Variants in LRGUK observed in about 807,000 individuals in gnomAD.
LRGUK encodes the protein leucine rich repeats and guanylate kinase domain containing, also known as leucine-rich repeat and guanylate kinase domain-containing protein.
LRGUK carries 65 observed loss-of-function variants against 76.0 expected under a neutral mutation model. The observed-to-expected ratio is 0.85, with a 90% CI of 0.70 to 1.05. The LOEUF is 1.05. Among genes scored for constraint, LRGUK ranks in the 50% least tolerant of loss-of-function variants. The pLI is 0.00. For synonymous variants in LRGUK, 268 were observed against 265.6 expected, an observed-to-expected ratio of 1.01 and a Z score of -0.09; for missense variants, 758 against 732.8, an observed-to-expected ratio of 1.03 and a Z score of -0.40.
Position 134,203,284 on chromosome 7 carries a change from G to T in LRGUK, c.1843+1708G>T, listed in dbSNP as rs183404578. ...TAAGTTTTAAAACTTTCCCTTGATG[G>T]ACTGAACCCCATTCACACACTGCAT... On this transcript the variant is annotated intron_variant, in intron 15 of 15. Coordinates refer to ENST00000645682, the Ensembl canonical transcript of LRGUK. Among the ~76,000 whole-genome samples, 50 of 152,238 alleles carry T rather than the reference G, an allele frequency of 3.3e-4. 2 individuals are homozygous for T. In the East Asian group the frequency reaches 6.6e-3, roughly 20 times the overall value.
intron 11 of LRGUK, among the ~76,000 whole-genome samples, chr7:134,190,174 T>G (rs771223652): frequency 1.3e-5 from 2 of 152,194 alleles, no homozygotes; most frequent in Non-Finnish European, 2.9e-5. Flanking sequence ...AAATAACATG[T>G]CAAGTGTCTA....
chr7:134,247,728 CAG>C (rs1802343704), intron 17 of LRGUK, 84 bp downstream of exon 17: 3 of 1,050,920 alleles, frequency 2.9e-6, no homozygotes, highest in South Asian at 2.9e-5. Context: ...TGAACATAAA[CAG>C]AGACCTCTGT....
At position 134,215,504 on chromosome 7, in the gene LRGUK, A is replaced by T. The variant is rs570361049; in HGVS notation, c.1844-6275A>T. On this transcript the variant is annotated intron_variant, in intron 15 of 19. Transcript: ENST00000285928. ...CATTTATGCTGAATTCTTCTCTGGGACAAGGATCTGGTGTATTGGCAGTTA... is the reference window on the plus strand; with the variant it reads ...CATTTATGCTGAATTCTTCTCTGGGTCAAGGATCTGGTGTATTGGCAGTTA... Among the ~76,000 whole-genome samples, 17 of 152,176 alleles carry T rather than the reference A, an allele frequency of 1.1e-4. No individual in the cohort carries two copies. In the South Asian group the frequency reaches 3.5e-3, roughly 32 times the overall value.
intron 16 of LRGUK, among the ~76,000 whole-genome samples, chr7:134,226,720 G>T (rs1418532950): frequency 6.6e-6 from 1 of 152,172 alleles, no homozygotes; most frequent in African/African-American, 2.4e-5. Flanking sequence ...CTTCTGTAAA[G>T]TACATACAGA....
Position 134,162,948 on chromosome 7 carries a change from G to A in LRGUK, c.796-449G>A, listed in dbSNP as rs527450767. Among the ~76,000 whole-genome samples, 5 of 152,022 alleles carry A rather than the reference G, an allele frequency of 3.3e-5. 1 individual carries two copies. Among genetic ancestry groups the A allele is most frequent in the African/African-American group, 1.2e-4 (5 of 41,482 alleles). ...CTACTAGCACCCTCACCACATGAGT[G>A]ATTACATTTAGGGTGTTTCTGAAAA... is the stretch of plus-strand genomic sequence containing the variant. On this transcript the variant is annotated intron_variant, in intron 6 of 15. Coordinates refer to ENST00000645682, the Ensembl canonical transcript of LRGUK.
At chr7:134,148,395 T>C in intron 5 of LRGUK, 76 bp downstream of exon 5, 1 of 827,412 alleles carries the variant, frequency 1.2e-6, no homozygotes, top group Non-Finnish European at 1.9e-6. Context: ...AAGAATTGTA[T>C]TAGATTACAT....
At chr7:134,261,780 G>A (rs1239749307) in intron 19 of LRGUK, among the ~76,000 whole-genome samples, 5 of 152,128 alleles carry the variant, frequency 3.3e-5, no homozygotes, top group Non-Finnish European at 7.3e-5. Context: ...GTGGGCTCTT[G>A]TGCAACTTCT....
At chr7:134,217,555 AT>A (rs2117144865) in intron 15 of LRGUK, among the ~76,000 whole-genome samples, 1 of 152,284 alleles carries the variant, frequency 6.6e-6, no homozygotes, top group African/African-American at 2.4e-5. Context: ...GGAAATTATC[AT>A]GGATACTATG....
chr7:134,191,718 C>G, exon 12 of LRGUK: 1 of 1,612,816 alleles, frequency 6.2e-7, no homozygotes, highest in Non-Finnish European at 8.5e-7. Context: ...ATCATTTTAT[C>G]TCTCAAGACG....
chr7:134,178,534 C>A (rs542059624), exon 10 of LRGUK: 2 of 1,613,170 alleles, frequency 1.2e-6, no homozygotes, highest in South Asian at 1.1e-5. Flanking sequence ...GATCCTCCCC[C>A]TGAAGTGGTT....
intron 6 of LRGUK, among the ~76,000 whole-genome samples, chr7:134,161,396 G>T (rs889786679): frequency 6.6e-6 from 1 of 151,736 alleles, no homozygotes; most frequent in Non-Finnish European, 1.5e-5. Flanking sequence ...CTTTACTTTG[G>T]CAAATGGATT....
intron 4 of LRGUK, among the ~76,000 whole-genome samples, chr7:134,144,186 G>A (rs1797880140): frequency 6.6e-6 from 1 of 152,156 alleles, no homozygotes; most frequent in Admixed American, 6.5e-5. Context: ...AGGCTGGAGT[G>A]CAGTGGCGCA....
At chr7:134,202,740 A>G (rs1293530009) in intron 15 of LRGUK, among the ~76,000 whole-genome samples, 1 of 152,238 alleles carries the variant, frequency 6.6e-6, no homozygotes, top group Admixed American at 6.5e-5. Context: ...TATCTAGAGT[A>G]GTCAATTCAT....
At chr7:134,172,760 T>C (rs1799310953) in intron 7 of LRGUK, among the ~76,000 whole-genome samples, 1 of 152,038 alleles carries the variant, frequency 6.6e-6, no homozygotes, top group African/African-American at 2.4e-5. Context: ...GGTGGGTGGA[T>C]TGCTTGAGCC....
rs1401755111 is a variant in LRGUK at position 134,157,942 on chromosome 7, G to A, written c.671-93G>A. 5 of 1,054,444 alleles carry A rather than the reference G, an allele frequency of 4.7e-6. No individual in the cohort carries two copies. The South Asian group carries it at 6.7e-5, about 14-fold the overall frequency. 65.3% of individuals were successfully genotyped at this position (1,054,444 alleles called of 1,614,324 possible). On this transcript the variant is annotated intron_variant, in intron 5 of 15. Transcript: ENST00000645682. Reference sequence around the variant, plus strand: ...ATAATCGTTCTTTATTTAAGCTGTGGTCTGCTTTGTCTAGTGATGATTTAA... The same window carrying A: ...ATAATCGTTCTTTATTTAAGCTGTGATCTGCTTTGTCTAGTGATGATTTAA...
chr7:134,150,902 AC>A lies in LRGUK; in HGVS notation c.670+2585del, dbSNP rs574475139. Among the ~76,000 whole-genome samples, 29 of 152,338 alleles carry A rather than the reference AC, an allele frequency of 1.9e-4. 1 individual carries two copies. In the South Asian group the frequency reaches 5.2e-3, roughly 27 times the overall value. ...AAAAAGCTGTAATTATTACATCAAA[AC>A]CAATAGAAGTTTGGAACATGGGTAT... On this transcript the variant is annotated intron_variant, in intron 5 of 15. Transcript: ENST00000645682.
chr7:134,133,058 G>T (rs1797378983), intron 1 of LRGUK, among the ~76,000 whole-genome samples: 2 of 152,160 alleles, frequency 1.3e-5, no homozygotes, highest in African/African-American at 4.8e-5. Flanking sequence ...AGGGACTCCA[G>T]GATGCAGAGT....
At chr7:134,143,107 C>T (rs1408042827) in exon 4 of LRGUK, 1 of 1,610,830 alleles carries the variant, frequency 6.2e-7, no homozygotes, top group East Asian at 2.2e-5. Context: ...GAACTTAATG[C>T]TTCTCAAAAT....
intron 1 of LRGUK, among the ~76,000 whole-genome samples, chr7:134,135,289 G>A (rs1267253249): frequency 6.6e-6 from 1 of 152,162 alleles, no homozygotes; most frequent in Non-Finnish European, 1.5e-5. Flanking sequence ...GTCTTAGTGT[G>A]ACATTGACTT....
Sources: allele counts gnomAD v4.1 joint callset (sites outside exome capture counted in the v4.1 genomes callset), GRCh38; gene constraint gnomAD v4.1.1; transcripts MANE v1.5; gene names NCBI Gene and HGNC (gene_info 2026-07-23, HGNC 2026-07-21).